Variants in PHF14 observed in about 807,000 individuals in gnomAD.
PHF14 encodes the protein PHD finger protein 14.
PHF14 carries 55 observed loss-of-function variants against 117.9 expected under a neutral mutation model. The observed-to-expected ratio is 0.47, with a 90% CI of 0.38 to 0.58. PHF14 has a LOEUF of 0.58. PHF14 is among the 20% of genes least tolerant of loss of function. The pLI is 0.00. For synonymous variants in PHF14, 409 were observed against 368.6 expected, an observed-to-expected ratio of 1.11 and a Z score of -1.26; for missense variants, 978 against 1,122.2, an observed-to-expected ratio of 0.87 and a Z score of 1.84.
At chr7:11,105,758 G>A in intron 16 of PHF14, 1 of 984,760 alleles carries the variant, frequency 1.0e-6, no homozygotes, top group African/African-American at 1.7e-5. Flanking sequence ...CTGTAGGCCT[G>A]CCGATAAGAT....
rs192714667 is a variant in PHF14 at position 10,975,665 on chromosome 7, T to C, written c.112+720T>C. On this transcript the variant is annotated intron_variant, in intron 2 of 17. Transcript: ENST00000634607. ...AAACAAAAATTATGTTTAATTTAAA[T>C]GTTTTATGGGAAAAATACTGATAAA... is the stretch of plus-strand genomic sequence containing the variant. 3.7e-4 allele frequency among the ~76,000 whole-genome samples: 56 copies of C among 152,344 alleles called. 2 individuals are homozygous for C. Among genetic ancestry groups the C allele is most frequent in the African/African-American group, 1.3e-3 (54 of 41,576 alleles).
intron 17 of PHF14, among the ~76,000 whole-genome samples, chr7:11,114,852 C>T (rs1180295694): frequency 1.3e-5 from 2 of 152,156 alleles, no homozygotes; most frequent in Non-Finnish European, 2.9e-5. Context: ...AGCAGCCACC[C>T]AGACAGTGCA....
At chr7:11,073,162 C>A (rs539775164) in intron 16 of PHF14, among the ~76,000 whole-genome samples, 1 of 152,242 alleles carries the variant, frequency 6.6e-6, no homozygotes, top group African/African-American at 2.4e-5. Flanking sequence ...CCTCCAAAGT[C>A]TTTACTCACT....
chr7:11,023,003 TG>T, intron 6 of PHF14, 24 bp downstream of exon 6: 1 of 1,328,996 alleles, frequency 7.5e-7, no homozygotes. Context: ...CATTTTTGAT[TG>T]CTTGAAAGAG....
chr7:11,047,329 A>C (rs1381383632), intron 13 of PHF14, among the ~76,000 whole-genome samples: 6 of 151,910 alleles, frequency 3.9e-5, no homozygotes, highest in Non-Finnish European at 7.4e-5. Flanking sequence ...TGGCCTCCCA[A>C]AGTGCTGGAT....
rs937714548 is a variant in PHF14, at chr7:11,036,806, A to T, written c.1873+118A>T. The T allele has an allele frequency of 7.0e-6, 7 of 1,006,780 alleles. No individual in the cohort carries two copies. In the African/African-American group the frequency reaches 8.2e-5, roughly 12 times the overall value. 62.4% of individuals were successfully genotyped at this position (1,006,780 alleles called of 1,614,324 possible). A position where few individuals can be genotyped will look rare whatever the true frequency, so the allele number is the denominator to read the frequency against. The stretch of plus-strand genomic sequence containing the variant: ...GCCATGCTGCATATATCATAGAGGG[A>T]TGTTTATTTTCCTAATATGTTGTGG... On this transcript the variant is annotated intron_variant, in intron 9 of 17. Transcript: ENST00000634607.
At chr7:11,114,217 T>C (rs1787528275) in intron 17 of PHF14, among the ~76,000 whole-genome samples, 2 of 152,178 alleles carry the variant, frequency 1.3e-5, no homozygotes, top group Admixed American at 6.6e-5. Flanking sequence ...CTATTTGTTT[T>C]GCCTAGAAGT....
At chr7:11,037,300 A>C (rs1430141049) in intron 10 of PHF14, among the ~76,000 whole-genome samples, 1 of 152,112 alleles carries the variant, frequency 6.6e-6, no homozygotes, top group Non-Finnish European at 1.5e-5. Flanking sequence ...TGATCTCTTT[A>C]CATGTATTAT....
intron 17 of PHF14, among the ~76,000 whole-genome samples, chr7:11,114,846 G>A (rs1045435408): frequency 1.3e-5 from 2 of 151,954 alleles, no homozygotes; most frequent in African/African-American, 4.8e-5. Context: ...TAAGACAGCA[G>A]CCACCCAGAC....
intron 17 of PHF14, among the ~76,000 whole-genome samples, chr7:11,133,998 A>T (rs938134974): frequency 3.3e-5 from 5 of 152,040 alleles, no homozygotes; most frequent in Non-Finnish European, 5.9e-5. Context: ...ACTAAGTAGT[A>T]AGAGGAGTTG....
rs1209263773 is a variant in PHF14 at position 11,013,769 on chromosome 7, G to T, written c.1068G>T (p.Glu356Asp). ...TAGGTTGTTATGGAGTTGATGGAGA[G>T]AGTGACTCTATTATGAGTTCAGCTT... is the stretch of plus-strand genomic sequence containing the variant. Reference protein sequence around the residue: ...VHEGCYGVDGESDSIMSSASE... With the variant: ...VHEGCYGVDGDSDSIMSSASE... Residue 356 changes from glutamate to aspartate, a missense_variant, in exon 5 of 18, where the codon GAG becomes GAT. Coordinates refer to ENST00000634607, the MANE Select transcript of PHF14 (RefSeq NM_001007157.2). 2 of 1,586,724 alleles carry T rather than the reference G, an allele frequency of 1.3e-6. No individual in the cohort carries two copies. The highest frequency in any genetic ancestry group is 2.7e-5 in the African/African-American group (2 of 74,684).
chr7:11,037,655 A>G (rs1784357225), intron 10 of PHF14, among the ~76,000 whole-genome samples: 1 of 152,240 alleles, frequency 6.6e-6, no homozygotes, highest in African/African-American at 2.4e-5. Context: ...AAAAGATTCA[A>G]AAAGAAGTAT....
intron 13 of PHF14, among the ~76,000 whole-genome samples, chr7:11,043,795 A>G (rs1324429373): frequency 1.3e-5 from 2 of 152,138 alleles, no homozygotes; most frequent in Non-Finnish European, 1.5e-5. Flanking sequence ...GCATATTCAA[A>G]TCCCAACAAT....
chr7:11,169,337 T>A, intron 17 of PHF14, 79 bp from the exon 18 acceptor site: 1 of 634,924 alleles, frequency 1.6e-6, no homozygotes, highest in Admixed American at 3.6e-5. Context: ...GTTCTACAGA[T>A]GCAGTTAAAA....
intron 14 of PHF14, among the ~76,000 whole-genome samples, chr7:11,053,553 A>C (rs1346617801): frequency 6.6e-6 from 1 of 152,032 alleles, no homozygotes; most frequent in African/African-American, 2.4e-5. Context: ...CTTAGAGAAG[A>C]GTTATTACTT....
intron 16 of PHF14, among the ~76,000 whole-genome samples, chr7:11,098,277 C>T (rs192855042): frequency 5.7e-4 from 87 of 152,240 alleles, no homozygotes; most frequent in African/African-American, 2.1e-3. Flanking sequence ...TCTATTAAAA[C>T]ATTTCTTGAT....
chr7:11,122,413 G>C (rs1442956984), intron 17 of PHF14, among the ~76,000 whole-genome samples: 1 of 79,918 alleles, frequency 1.3e-5, no homozygotes, highest in African/African-American at 5.1e-5. Context: ...ATATATACAC[G>C]TATATATATA....
intron 17 of PHF14, among the ~76,000 whole-genome samples, chr7:11,149,675 A>C (rs938746236): frequency 2.6e-5 from 4 of 152,134 alleles, no homozygotes; most frequent in Admixed American, 6.6e-5. Flanking sequence ...AGATAAATAA[A>C]AGAATGCTGA....
intron 7 of PHF14, among the ~76,000 whole-genome samples, chr7:11,030,196 G>C (rs1784075272): frequency 2.0e-5 from 3 of 151,530 alleles, no homozygotes; most frequent in African/African-American, 4.9e-5. Context: ...GGTAAAGGTA[G>C]TCTGGATTCC....
Sources: gnomAD v4.1 joint callset for allele counts (sites outside exome capture counted in the v4.1 genomes callset) on GRCh38, gnomAD v4.1.1 for gene constraint, MANE v1.5 for transcripts, NCBI Gene and HGNC (gene_info 2026-07-23, HGNC 2026-07-21) for gene names.